Variants in WIZ observed in about 807,000 individuals in gnomAD.
The protein encoded by WIZ is WIZ zinc finger.
A neutral mutation model predicts 140.2 loss-of-function variants in WIZ; 25 were observed. The ratio of observed to expected loss-of-function variants is 0.18; its 90% CI spans 0.13 to 0.25. WIZ has a LOEUF of 0.25. WIZ is among the 10% of genes least tolerant of loss of function. The probability of loss-of-function intolerance (pLI) is 1.00; values close to 1 mark genes in which losing one functional copy is unlikely to be tolerated. For synonymous variants in WIZ, 1,125 were observed against 1,154.3 expected (o/e 0.97, Z 0.51); for missense variants, 2,231 against 2,632.6 (o/e 0.85, Z 3.34).
intron 5 of WIZ, chr19:15,432,415 C>T (rs1478075352): frequency 2.0e-6 from 2 of 983,968 alleles, no homozygotes; most frequent in African/African-American, 3.5e-5. Context: ...CCCACACCCT[C>T]CCAAGCGCGG....
chr19:15,436,907 C>A lies in WIZ; in HGVS notation c.2639G>T (p.Gly880Val). 2 of 1,612,548 alleles carry A rather than the reference C, an allele frequency of 1.2e-6. No individual in the cohort carries two copies. The highest frequency in any genetic ancestry group is 2.2e-5 in the South Asian group (2 of 90,962). The change falls in exon 5 of 13, where the codon GGT (glycine) becomes GTT (valine). Residue 880 changes from glycine to valine, a missense_variant. Physicochemically the swap from Gly to Val is moderately radical, Grantham distance 109. Transcript: ENST00000673675. ...GGAGGTCAGGAAGCTGCCAGGCGGA[C>A]CCCCAGGCTCTCGGCCCAGGGGGCT... ...PPSPLGREPGGPPGSFLTSRR... is the reference protein window; with the variant it reads ...PPSPLGREPGVPPGSFLTSRR...
At position 15,424,340 on chromosome 19, in the gene WIZ, C is replaced by T. The variant is rs527992086; in HGVS notation, c.5353G>A (p.Ala1785Thr). 114 of 1,602,640 alleles carry T rather than the reference C, an allele frequency of 7.1e-5. 1 individual carries two copies. The South Asian group carries it at 9.9e-4, about 14-fold the overall frequency. The change falls in exon 12 of 13, where the codon GCA (alanine) becomes ACA (threonine). Residue 1785 changes from alanine to threonine, a missense_variant. Coordinates refer to ENST00000673675, the MANE Select transcript of WIZ (RefSeq NM_001371589.1). The surrounding 1 kb of genome is among the most constrained non-coding windows in gnomAD (Gnocchi z 9.7). ...TTGGTGTCCTCGCCTCCCCGGGCTG[C>T]GGAGGCATCTGGAGGGCGGGCTTGT... ...RRQARPPDAS[A>T]ARGGEDTNDL...
In WIZ at chr19:15,425,725, G is replaced by A. The variant is rs1448339223; in HGVS notation, c.4410C>T (p.Cys1470=). Residue 1470 remains cysteine, a synonymous_variant, in exon 10 of 13, where the codon TGC becomes TGT. Coordinates refer to ENST00000673675, the MANE Select transcript of WIZ (RefSeq NM_001371589.1). ...CCTTGCGGTTCTCGAAGAACTCGCC[G>A]CAGAACTCACAGCGGATGTCGCGCA... is the stretch of plus-strand genomic sequence containing the variant. ...EPVRDIRCEF[C]GEFFENRKGL... 14 of 1,609,570 alleles carry A rather than the reference G, an allele frequency of 8.7e-6. No homozygotes were observed. The highest frequency in any genetic ancestry group is 1.3e-5 in the African/African-American group (1 of 74,504).
chr19:15,427,209 G>C lies in WIZ; in HGVS notation c.4139C>G (p.Pro1380Arg), dbSNP rs776760394. The C allele has an allele frequency of 7.8e-5, 126 of 1,614,050 alleles. No homozygotes were observed. Among genetic ancestry groups the C allele is most frequent in the Admixed American group, 2.5e-4 (15 of 60,010 alleles). ...HISPLAKKLP[P>R]PPGSPLGHSP... ...GTGGCCCAGGGGGCTGCCCGGTGGTGGTGGCAACTTCTTGGCCAAGGGTGA... is the reference window on the plus strand; with the variant it reads ...GTGGCCCAGGGGGCTGCCCGGTGGTCGTGGCAACTTCTTGGCCAAGGGTGA... The change falls in exon 9 of 13, where the codon CCA (proline) becomes CGA (arginine). Residue 1380 changes from proline to arginine, a missense_variant. Physicochemically the swap from Pro to Arg is moderately radical, Grantham distance 103. Coordinates refer to ENST00000673675, the MANE Select transcript of WIZ (RefSeq NM_001371589.1). This position sits in a 1 kb window ranked among gnomAD's most constrained non-coding sequence, Gnocchi z 6.4.
In WIZ at chr19:15,442,813, G is replaced by T; in HGVS notation, c.206-65C>A. The T allele has an allele frequency of 9.6e-7, 1 of 1,042,948 alleles. No homozygotes were observed. Among genetic ancestry groups the T allele is most frequent in the Non-Finnish European group, 1.2e-6 (1 of 815,146 alleles). The allele number at this position is 1,042,948 out of a possible 1,614,324, so 64.6% of individuals were successfully genotyped here. Reference sequence around the variant, plus strand: ...CCTGGCCGGGGCCCTCCACACCCCAGCTCCAGGAGCCCTGCCAGGTGCCTC... The same window carrying T: ...CCTGGCCGGGGCCCTCCACACCCCATCTCCAGGAGCCCTGCCAGGTGCCTC... On this transcript the variant is annotated intron_variant, in intron 2 of 12. Coordinates refer to ENST00000673675, the MANE Select transcript of WIZ (RefSeq NM_001371589.1). This position sits in a 1 kb window ranked among gnomAD's most constrained non-coding sequence, Gnocchi z 5.5.
intron 9 of WIZ, among the ~76,000 whole-genome samples, chr19:15,426,372 C>G (rs1032859671): frequency 4.6e-5 from 7 of 152,104 alleles, no homozygotes; most frequent in Non-Finnish European, 8.8e-5. Flanking sequence ...GACAGGCAAG[C>G]GAGCAAGTGA....
intron 5 of WIZ, among the ~76,000 whole-genome samples, chr19:15,436,260 A>C (rs564738524): frequency 2.1e-4 from 32 of 152,380 alleles, no homozygotes; most frequent in African/African-American, 7.5e-4. Flanking sequence ...TATCTAGAGA[A>C]TATTTCCAGC....
Position 15,423,226 on chromosome 19 carries a change from C to T in WIZ, c.5520G>A (p.Glu1840=). Residue 1840 remains glutamate (E), a synonymous_variant, in exon 13 of 13, where the codon GAG becomes GAA. Coordinates refer to ENST00000673675, the MANE Select transcript of WIZ (RefSeq NM_001371589.1). ...TGGAGAGGGGGCCCTGGAATTCCAC[C>T]TCACAGAACCTGCATGGGGGAACAG... The part of the protein sequence containing the change: ...NIYTLKCRFC[E]VEFQGPLSIQ... 1.9e-6 allele frequency: 3 copies of T among 1,613,544 alleles called. No individual in the cohort carries two copies. The highest frequency in any genetic ancestry group is 2.5e-6 in the Non-Finnish European group (3 of 1,179,852).
chr19:15,444,910 C>G (rs1031273464), intron 2 of WIZ, among the ~76,000 whole-genome samples: 3 of 152,218 alleles, frequency 2.0e-5, no homozygotes, highest in Non-Finnish European at 2.9e-5. Flanking sequence ...TTGCTGTTGT[C>G]TAAGAATTCC....
intron 2 of WIZ, 92 bp downstream of exon 2, chr19:15,448,011 T>C: frequency 7.0e-7 from 1 of 1,426,342 alleles, no homozygotes; most frequent in East Asian, 2.3e-5. Flanking sequence ...GCATCCCAGC[T>C]CAGCCGCTGC....
In WIZ at chr19:15,424,310, G is replaced by A. The variant is rs781230320; in HGVS notation, c.5383C>T (p.Leu1795=). Residue 1795 remains leucine, a synonymous_variant, in exon 12 of 13, where the codon CTA becomes TTA. Coordinates refer to ENST00000673675, the MANE Select transcript of WIZ (RefSeq NM_001371589.1). This position sits in a 1 kb window ranked among gnomAD's most constrained non-coding sequence, Gnocchi z 9.7. ...CGCACCTCCTCCAGCTTCTGCTGTA[G>A]GTCATTGGTGTCCTCGCCTCCCCGG... ...AARGGEDTND[L]QQKLEEVRQP... The A allele has an allele frequency of 1.2e-6, 2 of 1,603,052 alleles. No homozygotes were observed. Among genetic ancestry groups the A allele is most frequent in the South Asian group, 1.1e-5 (1 of 90,198 alleles).
Position 15,429,941 on chromosome 19 carries a change from C to T in WIZ, c.3060G>A (p.Val1020=). The part of the protein sequence containing the change: ...GAPIDLLYEL[V]KQKGLPDAHL... The stretch of plus-strand genomic sequence containing the variant: ...GGGCGTCAGGCAGACCCTTCTGCTT[C>T]ACAAGCTCGTAGAGGAGGTCGATGG... The change falls in exon 7 of 13, where the codon GTG becomes GTA. Residue 1020 remains valine, a synonymous_variant. Coordinates refer to ENST00000673675, the MANE Select transcript of WIZ (RefSeq NM_001371589.1). 6.5e-7 allele frequency: 1 copy of T among 1,536,060 alleles called. No homozygotes were observed. Among genetic ancestry groups the T allele is most frequent in the Non-Finnish European group, 8.7e-7 (1 of 1,146,830 alleles).
intron 6 of WIZ, 127 bp downstream of exon 6, chr19:15,430,885 C>T: frequency 8.2e-7 from 1 of 1,217,124 alleles, no homozygotes; most frequent in Non-Finnish European, 1.1e-6. Context: ...AACCTTGGTG[C>T]CTCAAGGTGC....
rs762344672 is a variant in WIZ at position 15,425,309 on chromosome 19, G to A, written c.4826C>T (p.Ala1609Val). The change falls in exon 10 of 13, where the codon GCC becomes GTC. Residue 1609 changes from alanine (A) to valine (V), a missense_variant. Ala to Val is a moderately conservative substitution (Grantham distance 64). Around this residue, in one of 15 missense-constraint regions of WIZ, gnomAD observed 393 missense variants for 451.7 expected, o/e 0.87. Coordinates refer to ENST00000673675, the MANE Select transcript of WIZ (RefSeq NM_001371589.1). ...CAGTTCAGTCTGGATGTAGGTCTTGGCCTTGACCTCTGCTGGGAGGAGGCG... is the reference window on the plus strand; with the variant it reads ...CAGTTCAGTCTGGATGTAGGTCTTGACCTTGACCTCTGCTGGGAGGAGGCG... The part of the protein sequence containing the change: ...EDRLLPAEVK[A>V]KTYIQTELPF... 5 of 1,585,474 alleles carry A rather than the reference G, an allele frequency of 3.2e-6. No homozygotes were observed. The highest frequency in any genetic ancestry group is 1.1e-5 in the South Asian group (1 of 87,390).
chr19:15,445,210 G>T (rs1969875786), intron 2 of WIZ, among the ~76,000 whole-genome samples: 1 of 152,242 alleles, frequency 6.6e-6, no homozygotes, highest in Admixed American at 6.5e-5. Flanking sequence ...ATGGCAAGGG[G>T]TGTCCATAAG....
At position 15,448,268 on chromosome 19, in the gene WIZ, G is replaced by A. The variant is rs573729299; in HGVS notation, c.40C>T (p.Arg14Cys). 5.8e-5 allele frequency: 94 copies of A among 1,613,244 alleles called. 1 individual carries two copies. The East Asian group carries it at 1.6e-3, about 27-fold the overall frequency. Residue 14 changes from arginine to cysteine, a missense_variant, in exon 2 of 13, where the codon CGT becomes TGT. Transcript: ENST00000673675. Reference protein sequence around the residue: ...SLAGSLAAPDRPQGPERLPGP... With the variant: ...SLAGSLAAPDCPQGPERLPGP... ...GGCAGTCTCTCTGGGCCTTGGGGAC[G>A]ATCTGGTGCAGCCAGGCTGCCTGCC... is the stretch of plus-strand genomic sequence containing the variant.
chr19:15,436,993 A>C lies in WIZ; in HGVS notation c.2553T>G (p.Thr851=). The C allele has an allele frequency of 6.2e-7, 1 of 1,613,822 alleles. No individual in the cohort carries two copies. Among genetic ancestry groups the C allele is most frequent in the South Asian group, 1.1e-5 (1 of 91,042 alleles). ...RDFGITNWEL[T]VSPINILQEL... Reference sequence around the variant, plus strand: ...CCTGCAGGATGTTGATGGGTGAGACAGTGAGCTCCCAGTTGGTGATACCGA... The same window carrying C: ...CCTGCAGGATGTTGATGGGTGAGACCGTGAGCTCCCAGTTGGTGATACCGA... The change falls in exon 5 of 13, where the codon ACT becomes ACG. Residue 851 remains threonine (T), a synonymous_variant. Coordinates refer to ENST00000673675, the MANE Select transcript of WIZ (RefSeq NM_001371589.1).
intron 1 of WIZ, 42 bp from the exon 2 acceptor site, chr19:15,448,409 G>C: frequency 7.0e-7 from 1 of 1,423,990 alleles, no homozygotes; most frequent in Non-Finnish European, 9.5e-7. Context: ...ATGGAGGAAA[G>C]GGAATCTGCC....
chr19:15,428,212 C>G lies in WIZ; in HGVS notation c.3712G>C (p.Ala1238Pro). 6.5e-7 allele frequency: 1 copy of G among 1,533,548 alleles called. No homozygotes were observed. The highest frequency in any genetic ancestry group is 8.7e-7 in the Non-Finnish European group (1 of 1,146,410). 95.0% of individuals were successfully genotyped at this position (1,533,548 alleles called of 1,614,324 possible). ...PPPAKKAKLK[A>P]AGMASPWGKQ... is the part of the protein sequence containing the mutation. ...CCCCAGGGGCTGGCCATACCCGCGG[C>G]CTTCAGCTTGGCCTTCTTGGCCGGC... The change falls in exon 8 of 13, where the codon GCC becomes CCC. Residue 1238 changes from alanine (A) to proline (P), a missense_variant. This residue lies in a region of WIZ where 141 missense variants were observed against 161.2 expected (regional missense o/e 0.87). Transcript: ENST00000673675. The surrounding 1 kb of genome is among the most constrained non-coding windows in gnomAD (Gnocchi z 6.4).
Sources: allele counts gnomAD v4.1 joint callset (sites outside exome capture counted in the v4.1 genomes callset), GRCh38; gene constraint gnomAD v4.1.1; regional missense constraint gnomAD v4.1.1; non-coding constraint Gnocchi (gnomAD v3.1); transcripts MANE v1.5; gene names NCBI Gene and HGNC (gene_info 2026-07-23, HGNC 2026-07-21).